Variants in MAGI1 observed in about 807,000 individuals in gnomAD.
MAGI1 encodes the protein membrane-associated guanylate kinase, WW and PDZ domain-containing protein 1.
A neutral mutation model predicts 139.9 loss-of-function variants in MAGI1; 58 were observed. That is an observed-to-expected ratio of 0.41 (90% confidence interval 0.34 to 0.52). The LOEUF (loss-of-function observed/expected upper bound fraction) is 0.52, where lower values mean the gene tolerates loss of function less well. Among genes scored for constraint, MAGI1 ranks in the 20% least tolerant of loss-of-function variants. The pLI is 0.12. For synonymous variants in MAGI1, 812 were observed against 737.9 expected, an observed-to-expected ratio of 1.10 and a Z score of -1.63; for missense variants, 1,874 against 1,901.6, an observed-to-expected ratio of 0.99 and a Z score of 0.27.
intron 1 of MAGI1, among the ~76,000 whole-genome samples, chr3:65,712,269 C>T (rs1012117065): frequency 2.6e-5 from 4 of 151,866 alleles, no homozygotes; most frequent in African/African-American, 9.7e-5. Flanking sequence ...AGTCTTGGCG[C>T]CCACCCACCA....
intron 1 of MAGI1, among the ~76,000 whole-genome samples, chr3:65,899,543 C>T (rs558802622): frequency 1.5e-4 from 23 of 152,316 alleles, no homozygotes; most frequent in African/African-American, 5.3e-4. Flanking sequence ...CAAAACACTA[C>T]CATCCTTTTG....
At chr3:65,922,451 C>T (rs779307275) in intron 1 of MAGI1, among the ~76,000 whole-genome samples, 5 of 118,470 alleles carry the variant, frequency 4.2e-5, no homozygotes, top group Middle Eastern at 4.1e-3. Flanking sequence ...AGAAGGAAGA[C>T]AGCCATGTGA....
intron 1 of MAGI1, among the ~76,000 whole-genome samples, chr3:65,885,113 T>C (rs34061484): frequency 0.019 from 2,865 of 152,194 alleles, 42 homozygotes; most frequent in Non-Finnish European, 0.03. Flanking sequence ...AAAAAACGTT[T>C]TCAGGTCGGG....
chr3:65,836,229 T>C lies in MAGI1; in HGVS notation c.313+201767A>G, dbSNP rs560045894. Reference sequence around the variant, plus strand: ...AGCCAAAGAAAAAATGATGTCATCATTGCAAAATGTGAATAATTTGCTCCA... The same window carrying C: ...AGCCAAAGAAAAAATGATGTCATCACTGCAAAATGTGAATAATTTGCTCCA... On this transcript the variant is annotated intron_variant, in intron 1 of 22. Transcript: ENST00000402939. Among the ~76,000 whole-genome samples, 3 of 152,322 alleles carry C rather than the reference T, an allele frequency of 2.0e-5. No individual in the cohort carries two copies. In the East Asian group the frequency reaches 5.8e-4, roughly 29 times the overall value.
chr3:65,500,050 C>G (rs1056893905), intron 2 of MAGI1, among the ~76,000 whole-genome samples: 2 of 152,112 alleles, frequency 1.3e-5, no homozygotes, highest in Non-Finnish European at 2.9e-5. Context: ...ATGCAAACGA[C>G]TTATAGACTC....
At chr3:65,428,457 T>G (rs1290915558) in intron 12 of MAGI1, among the ~76,000 whole-genome samples, 3 of 152,202 alleles carry the variant, frequency 2.0e-5, no homozygotes, top group African/African-American at 7.2e-5. Flanking sequence ...GGAAGCTTAA[T>G]GCCTCGAGAT....
chr3:65,592,837 T>G (rs974184875), intron 2 of MAGI1, among the ~76,000 whole-genome samples: 2 of 152,172 alleles, frequency 1.3e-5, no homozygotes, highest in African/African-American at 2.4e-5. Context: ...AAACTTCCCA[T>G]AGTGGAAAGA....
intron 2 of MAGI1, among the ~76,000 whole-genome samples, chr3:65,592,019 T>G (rs2081988618): frequency 6.6e-6 from 1 of 152,320 alleles, no homozygotes; most frequent in African/African-American, 2.4e-5. Flanking sequence ...TTCACTCAAC[T>G]ATTACATGTA....
At chr3:65,363,323 G>C (rs1312013955) in intron 21 of MAGI1, 142 bp downstream of exon 21, 1 of 972,944 alleles carries the variant, frequency 1.0e-6, no homozygotes, top group East Asian at 2.6e-5. Context: ...ATATTTGGTA[G>C]GGTAGGAGTC....
At chr3:65,449,547 G>T (rs191452934) in intron 6 of MAGI1, among the ~76,000 whole-genome samples, 1 of 152,180 alleles carries the variant, frequency 6.6e-6, no homozygotes, top group East Asian at 1.9e-4. Flanking sequence ...GGCCAAAGTG[G>T]GTGGATCACC....
chr3:65,378,902 A>T (rs1278030784), intron 17 of MAGI1, among the ~76,000 whole-genome samples: 2 of 152,006 alleles, frequency 1.3e-5, no homozygotes, highest in African/African-American at 4.8e-5. Context: ...GGTTGGTCTC[A>T]AACTCCTGAC....
chr3:65,834,409 T>C (rs764351807), intron 1 of MAGI1, among the ~76,000 whole-genome samples: 8 of 152,266 alleles, frequency 5.3e-5, no homozygotes, highest in African/African-American at 1.9e-4. Flanking sequence ...CTTTCTCTTA[T>C]TGATTTCTAC....
chr3:65,857,520 G>A lies in MAGI1; in HGVS notation c.313+180476C>T, dbSNP rs144328141. Among the ~76,000 whole-genome samples the A allele has an allele frequency of 1.6e-4, 25 of 152,228 alleles. No individual in the cohort carries two copies. In the East Asian group the frequency reaches 4.4e-3, roughly 27 times the overall value. Reference sequence around the variant, plus strand: ...CACACAGAAGAAAACAAGAGCAGAGGGTCCTGCTGGGTCACACGGTTCAGG... The same window carrying A: ...CACACAGAAGAAAACAAGAGCAGAGAGTCCTGCTGGGTCACACGGTTCAGG... On this transcript the variant is annotated intron_variant, in intron 1 of 22. Transcript: ENST00000402939.
chr3:65,422,993 C>T (rs1192527991), intron 12 of MAGI1, among the ~76,000 whole-genome samples: 1 of 152,088 alleles, frequency 6.6e-6, no homozygotes, highest in East Asian at 1.9e-4. Flanking sequence ...AGCACTGAGA[C>T]CTGTTGCGAG....
At position 65,781,261 on chromosome 3, in the gene MAGI1, C is replaced by T. The variant is rs1448905937; in HGVS notation, c.314-159173G>A. ...TGGAAAACAGAATAGTACCTGCACA[C>T]AGAGCCTTCCCAAACAGATACTGAC... On this transcript the variant is annotated intron_variant, in intron 1 of 22. Coordinates refer to ENST00000402939, the MANE Select transcript of MAGI1 (RefSeq NM_001033057.2). Among the ~76,000 whole-genome samples, 3 of 152,096 alleles carry T rather than the reference C, an allele frequency of 2.0e-5. No individual in the cohort carries two copies. In the South Asian group the frequency reaches 6.2e-4, roughly 32 times the overall value.
intron 10 of MAGI1, among the ~76,000 whole-genome samples, chr3:65,434,147 A>G (rs184359522): frequency 2.8e-4 from 43 of 152,288 alleles, no homozygotes; most frequent in African/African-American, 9.9e-4. Flanking sequence ...ATAGTGTTCA[A>G]ATCTGTGCTC....
chr3:65,479,443 C>G (rs1043865139), intron 3 of MAGI1, among the ~76,000 whole-genome samples: 6 of 152,118 alleles, frequency 3.9e-5, no homozygotes, highest in Non-Finnish European at 8.8e-5. Flanking sequence ...CACTTTCAGC[C>G]ACTCTTTCCC....
intron 1 of MAGI1, among the ~76,000 whole-genome samples, chr3:65,853,471 A>G (rs1295821538): frequency 3.9e-5 from 6 of 152,178 alleles, no homozygotes; most frequent in Admixed American, 3.9e-4. Context: ...CCATCCCTCA[A>G]ATGTTTCAAT....
chr3:65,825,224 C>G (rs1276392952), intron 1 of MAGI1, among the ~76,000 whole-genome samples: 4 of 152,176 alleles, frequency 2.6e-5, no homozygotes, highest in African/African-American at 9.7e-5. Flanking sequence ...CATTTTGGCC[C>G]ATGGCACATT....
Sources: allele counts gnomAD v4.1 joint callset (sites outside exome capture counted in the v4.1 genomes callset), GRCh38; gene constraint gnomAD v4.1.1; transcripts MANE v1.5; gene names NCBI Gene and HGNC (gene_info 2026-07-23, HGNC 2026-07-21).